Variants in ARHGAP21 observed in about 807,000 individuals in gnomAD.
ARHGAP21 encodes the protein Rho GTPase activating protein 21.
A neutral mutation model predicts 164.6 loss-of-function variants in ARHGAP21; 38 were observed. That is an observed-to-expected ratio of 0.23 (90% CI 0.18 to 0.30). The LOEUF (loss-of-function observed/expected upper bound fraction) is 0.30. Ranked by LOEUF, ARHGAP21 falls within the 10% of genes least tolerant of loss-of-function variation. The pLI is 1.00. For missense variants in ARHGAP21, 1,822 were observed against 2,370.7 expected (o/e 0.77, Z 4.81); for synonymous variants, 766 against 857.9 (o/e 0.89, Z 1.87).
At chr10:24,690,666 TAAAAATAC>T (rs1842680593) in intron 2 of ARHGAP21, among the ~76,000 whole-genome samples, 1 of 151,740 alleles carries the variant, frequency 6.6e-6, no homozygotes, top group Non-Finnish European at 1.5e-5. Context: ...CTGTCTCTAC[TAAAAATAC>T]AAAAATTAGC....
intron 9 of ARHGAP21, among the ~76,000 whole-genome samples, chr10:24,618,192 C>T (rs1359277954): frequency 1.3e-5 from 2 of 152,170 alleles, no homozygotes; most frequent in Non-Finnish European, 2.9e-5. Context: ...ATGATGAGAA[C>T]TGTATTGTTG....
chr10:24,707,085 A>G (rs1844312058), intron 2 of ARHGAP21, among the ~76,000 whole-genome samples: 1 of 151,966 alleles, frequency 6.6e-6, no homozygotes, highest in Non-Finnish European at 1.5e-5. Context: ...AGAGCTAACA[A>G]CTCCTTCAAT....
intron 2 of ARHGAP21, among the ~76,000 whole-genome samples, chr10:24,719,263 C>T (rs1006373838): frequency 2.6e-5 from 4 of 152,176 alleles, no homozygotes; most frequent in African/African-American, 9.6e-5. Context: ...AAGACATATT[C>T]TACTGAACTG....
intron 3 of ARHGAP21, 95 bp downstream of exon 3, chr10:24,670,122 GA>G: frequency 3.8e-6 from 3 of 790,390 alleles, no homozygotes; most frequent in Non-Finnish European, 3.7e-6. Flanking sequence ...TTTTAAGACA[GA>G]AAAAAGGCCA....
chr10:24,645,696 GAATCAGAGCCTGT>G (rs1267206394), intron 4 of ARHGAP21, among the ~76,000 whole-genome samples: 1 of 152,118 alleles, frequency 6.6e-6, no homozygotes, highest in East Asian at 1.9e-4. Flanking sequence ...ATGGCACAAG[GAATCAGAGCCTGT>G]ATTCTACATA....
intron 7 of ARHGAP21, among the ~76,000 whole-genome samples, chr10:24,628,753 ATGTG>A (rs61405659): frequency 1.9e-4 from 25 of 134,830 alleles, no homozygotes; most frequent in African/African-American, 3.8e-4. Flanking sequence ...TGAATGAAAT[ATGTG>A]TGTGTGTGTG....
At chr10:24,624,230 TA>T in intron 7 of ARHGAP21, among the ~76,000 whole-genome samples, 1 of 151,934 alleles carries the variant, frequency 6.6e-6, no homozygotes, top group Non-Finnish European at 1.5e-5. Context: ...TCACAAAATG[TA>T]CATTGTGAAA....
chr10:24,676,019 G>A (rs1395883937), intron 2 of ARHGAP21, among the ~76,000 whole-genome samples: 6 of 151,994 alleles, frequency 3.9e-5, no homozygotes, highest in African/African-American at 1.2e-4. Flanking sequence ...GCAATGGCAC[G>A]TGCCTGTAAT....
intron 9 of ARHGAP21, among the ~76,000 whole-genome samples, chr10:24,608,446 CT>C (rs1423716504): frequency 2.6e-5 from 4 of 152,164 alleles, no homozygotes; most frequent in Admixed American, 6.5e-5. Context: ...AAAATTCTTA[CT>C]CTTATAAAAA....
At chr10:24,671,361 GTCAT>G (rs1190052393) in intron 2 of ARHGAP21, among the ~76,000 whole-genome samples, 1 of 152,036 alleles carries the variant, frequency 6.6e-6, no homozygotes, top group African/African-American at 2.4e-5. Flanking sequence ...TTTCTCTCTG[GTCAT>G]TCATCCTAGA....
chr10:24,645,675 G>A (rs1166312424), intron 4 of ARHGAP21, among the ~76,000 whole-genome samples: 4 of 151,956 alleles, frequency 2.6e-5, no homozygotes, highest in Admixed American at 1.3e-4. Flanking sequence ...ACATGAAATT[G>A]TTGTAGGATC....
chr10:24,711,489 T>C (rs376061975), intron 2 of ARHGAP21, among the ~76,000 whole-genome samples: 1 of 152,206 alleles, frequency 6.6e-6, no homozygotes, highest in African/African-American at 2.4e-5. Flanking sequence ...TAAAATCCTT[T>C]AGAAAACTCA....
At chr10:24,668,199 A>G (rs978500656) in intron 3 of ARHGAP21, among the ~76,000 whole-genome samples, 1 of 152,208 alleles carries the variant, frequency 6.6e-6, no homozygotes, top group Non-Finnish European at 1.5e-5. Flanking sequence ...GATGCCAATG[A>G]CCATGCTGTT....
chr10:24,603,701 T>C (rs2076908375), intron 12 of ARHGAP21, among the ~76,000 whole-genome samples: 1 of 152,002 alleles, frequency 6.6e-6, no homozygotes, highest in South Asian at 2.1e-4. Context: ...AGTGTGGGTA[T>C]AAAGGCAGGG....
chr10:24,680,436 G>T (rs1841659267), intron 2 of ARHGAP21, among the ~76,000 whole-genome samples: 1 of 152,082 alleles, frequency 6.6e-6, no homozygotes, highest in Non-Finnish European at 1.5e-5. Context: ...GTAACTCTTG[G>T]ATCATGGTTA....
At chr10:24,601,862 GTTT>G in intron 13 of ARHGAP21, 113 bp downstream of exon 13, 1 of 1,045,498 alleles carries the variant, frequency 9.6e-7, no homozygotes, top group Non-Finnish European at 1.3e-6. Context: ...TTTATAAATG[GTTT>G]TTTTTTTCAC....
Position 24,584,277 on chromosome 10 carries a change from T to G in ARHGAP21, c.*135A>C. 1.1e-6 allele frequency: 1 copy of G among 918,836 alleles called. No individual in the cohort carries two copies. 56.9% of individuals were successfully genotyped at this position (918,836 alleles called of 1,614,324 possible). A position where few individuals can be genotyped will look rare whatever the true frequency, so the allele number is the denominator to read the frequency against. On this transcript the variant is annotated 3_prime_UTR_variant, in exon 26 of 26. Coordinates refer to ENST00000396432, the MANE Select transcript of ARHGAP21 (RefSeq NM_020824.4). ...CTGTAGTAATGCACTGTAAAGCTATTTCACAGTGCAAAATGATGAAACCAG... is the reference window on the plus strand; with the variant it reads ...CTGTAGTAATGCACTGTAAAGCTATGTCACAGTGCAAAATGATGAAACCAG...
rs3838341 is a variant in ARHGAP21 at position 24,604,357 on chromosome 10, GA to G, written c.2685-10del. On this transcript the variant is annotated splice_polypyrimidine_tract_variant and intron_variant, in intron 11 of 25. Coordinates refer to ENST00000396432, the MANE Select transcript of ARHGAP21 (RefSeq NM_020824.4). ...ATACGTGCTTAAAGGACCTGTTGGG[GA>G]AAAAATATATAAATATTTTCAATTA... is the stretch of plus-strand genomic sequence containing the variant. 1.2e-5 allele frequency: 19 copies of G among 1,578,102 alleles called. No homozygotes were observed. The East Asian group carries it at 3.4e-4, about 28-fold the overall frequency.
intron 4 of ARHGAP21, among the ~76,000 whole-genome samples, chr10:24,648,082 A>T (rs1181032723): frequency 6.6e-6 from 1 of 151,944 alleles, no homozygotes; most frequent in African/African-American, 2.4e-5. Context: ...CAGGTGATCC[A>T]CCCACCCCGG....
Sources: allele counts gnomAD v4.1 joint callset (sites outside exome capture counted in the v4.1 genomes callset), GRCh38; gene constraint gnomAD v4.1.1; transcripts MANE v1.5; gene names NCBI Gene and HGNC (gene_info 2026-07-23, HGNC 2026-07-21).